Variants in PLCL2 observed in about 807,000 individuals in gnomAD.
PLCL2 encodes inactive phospholipase C-like protein 2.
Under a neutral mutation model 79.6 loss-of-function variants are expected in PLCL2, and 4 were observed. The ratio of observed to expected loss-of-function variants is 0.05; its 90% confidence interval spans 0.02 to 0.11. PLCL2 has a LOEUF of 0.11. Among genes scored for constraint, PLCL2 ranks in the 10% least tolerant of loss-of-function variants. The pLI is 1.00. For synonymous variants in PLCL2, 484 were observed against 457.7 expected (o/e 1.06, Z -0.73); for missense variants, 895 against 1,291.0 (o/e 0.69, Z 4.70).
chr3:16,922,949 GA>G (rs1237259244), intron 1 of PLCL2, among the ~76,000 whole-genome samples: 4 of 151,698 alleles, frequency 2.6e-5, no homozygotes, highest in South Asian at 2.1e-4. Context: ...CTGTAAAGGT[GA>G]AAAAAAGGAT....
chr3:16,954,456 T>A (rs2124962282), intron 1 of PLCL2, among the ~76,000 whole-genome samples: 1 of 152,342 alleles, frequency 6.6e-6, no homozygotes, highest in East Asian at 1.9e-4. Flanking sequence ...TTCCAAGTCT[T>A]TGCTATTGTG....
At chr3:17,069,840 T>C (rs560410082) in intron 5 of PLCL2, among the ~76,000 whole-genome samples, 156 of 152,366 alleles carry the variant, frequency 1.0e-3, no homozygotes, top group Non-Finnish European at 1.7e-3. Context: ...ACATATGTAC[T>C]TTTCTTATAT....
chr3:16,904,542 T>C (rs1260319396), intron 1 of PLCL2, among the ~76,000 whole-genome samples: 4 of 152,156 alleles, frequency 2.6e-5, no homozygotes, highest in Non-Finnish European at 5.9e-5. Context: ...ATCAACATGA[T>C]GTGTATGCTG....
At chr3:17,028,139 G>A (rs997370169) in intron 3 of PLCL2, among the ~76,000 whole-genome samples, 6 of 152,190 alleles carry the variant, frequency 3.9e-5, no homozygotes, top group Non-Finnish European at 2.9e-5. Flanking sequence ...AGGGGCTGAA[G>A]GGCTGGGTGG....
At chr3:17,038,637 T>C (rs879630448) in intron 3 of PLCL2, among the ~76,000 whole-genome samples, 19 of 152,146 alleles carry the variant, frequency 1.2e-4, no homozygotes, top group Non-Finnish European at 2.5e-4. Context: ...AATTGTAAAA[T>C]AGAGCCAAGT....
chr3:17,001,491 T>C (rs2064210724), intron 1 of PLCL2, among the ~76,000 whole-genome samples: 1 of 152,196 alleles, frequency 6.6e-6, no homozygotes, highest in African/African-American at 2.4e-5. Context: ...TTTCAGGTCT[T>C]ACATTTAAGT....
intron 3 of PLCL2, among the ~76,000 whole-genome samples, chr3:17,021,203 A>G (rs888620091): frequency 6.6e-6 from 1 of 152,164 alleles, no homozygotes; most frequent in Non-Finnish European, 1.5e-5. Flanking sequence ...TGGGAAAGGT[A>G]GATGCATCCT....
chr3:16,915,900 G>A (rs1696982937), intron 1 of PLCL2, among the ~76,000 whole-genome samples: 1 of 152,164 alleles, frequency 6.6e-6, no homozygotes, highest in African/African-American at 2.4e-5. Flanking sequence ...TTACATTTCA[G>A]AAGCAGGGAA....
chr3:17,083,142 G>C (rs573227286), intron 5 of PLCL2, among the ~76,000 whole-genome samples: 41 of 152,126 alleles, frequency 2.7e-4, no homozygotes, highest in African/African-American at 9.9e-4. Context: ...GGCAATAGGT[G>C]TTATGGAAAA....
chr3:17,018,791 TTTTTGGTGATGAATTCAACACCCA>T (rs1289581710), intron 3 of PLCL2, among the ~76,000 whole-genome samples: 7 of 152,320 alleles, frequency 4.6e-5, no homozygotes, highest in African/African-American at 1.7e-4. Flanking sequence ...AGTTACTGTA[TTTTTGGTGATGAATTCAACACCCA>T]TTTATAAGCT....
intron 1 of PLCL2, among the ~76,000 whole-genome samples, chr3:16,899,411 T>A (rs1410882458): frequency 6.6e-6 from 1 of 152,152 alleles, no homozygotes; most frequent in Non-Finnish European, 1.5e-5. Context: ...ATCAAGTAGG[T>A]ACAGAGGCTG....
chr3:17,041,169 C>G (rs1012918768), intron 3 of PLCL2, among the ~76,000 whole-genome samples: 2 of 152,110 alleles, frequency 1.3e-5, no homozygotes, highest in African/African-American at 4.8e-5. Context: ...ATTTTTATTG[C>G]TGCCTGTTCA....
At chr3:16,968,170 G>T (rs570185489) in intron 1 of PLCL2, among the ~76,000 whole-genome samples, 67 of 152,174 alleles carry the variant, frequency 4.4e-4, no homozygotes, top group Non-Finnish European at 8.1e-4. Flanking sequence ...TAGCCTTCCA[G>T]TATAGTTTGA....
At chr3:16,939,497 G>GTT (rs1204342561) in intron 1 of PLCL2, among the ~76,000 whole-genome samples, 1 of 152,186 alleles carries the variant, frequency 6.6e-6, no homozygotes, top group African/African-American at 2.4e-5. Context: ...TCATTCCACA[G>GTT]TTATTTGTGA....
chr3:16,992,556 A>G (rs987737179), intron 1 of PLCL2, among the ~76,000 whole-genome samples: 3 of 152,236 alleles, frequency 2.0e-5, no homozygotes, highest in African/African-American at 7.2e-5. Flanking sequence ...AGATTGGAGA[A>G]TCTGAATTAC....
intron 1 of PLCL2, among the ~76,000 whole-genome samples, chr3:16,946,768 A>G (rs955284705): frequency 6.6e-6 from 1 of 152,082 alleles, no homozygotes; most frequent in Non-Finnish European, 1.5e-5. Context: ...CTGTGTAGCT[A>G]ATTAGAAAGT....
intron 5 of PLCL2, among the ~76,000 whole-genome samples, chr3:17,084,851 C>T (rs1369987275): frequency 2.0e-5 from 3 of 152,090 alleles, no homozygotes; most frequent in Non-Finnish European, 2.9e-5. Context: ...AAAGCATTCC[C>T]GATAAGATTA....
At chr3:16,973,245 A>T (rs770971121) in intron 1 of PLCL2, among the ~76,000 whole-genome samples, 4 of 152,064 alleles carry the variant, frequency 2.6e-5, no homozygotes, top group Non-Finnish European at 5.9e-5. Flanking sequence ...TATGAAGCTT[A>T]GTTTGGCTCT....
At chr3:17,052,264 G>GT (rs1003988545) in intron 4 of PLCL2, among the ~76,000 whole-genome samples, 2 of 149,894 alleles carry the variant, frequency 1.3e-5, no homozygotes, top group African/African-American at 4.9e-5. Flanking sequence ...TTGGGGGGGG[G>GT]TGAAGGTCTC....
Sources: allele counts gnomAD v4.1 joint callset (sites outside exome capture counted in the v4.1 genomes callset), GRCh38; gene constraint gnomAD v4.1.1; transcripts MANE v1.5; gene names NCBI Gene and HGNC (gene_info 2026-07-23, HGNC 2026-07-21).